Variants in IRAG1 observed in about 807,000 individuals in gnomAD.
IRAG1 encodes the protein inositol 1,4,5-triphosphate receptor associated 1.
In IRAG1, 62 loss-of-function variants were observed where a neutral mutation model predicts 106.2. The observed-to-expected ratio is 0.58, with a 90% CI of 0.48 to 0.72. The LOEUF is 0.72. Among genes scored for constraint, IRAG1 ranks in the 30% least tolerant of loss-of-function variants. The probability of loss-of-function intolerance (pLI) is 0.00; values close to 1 mark genes in which losing one functional copy is unlikely to be tolerated. For missense variants in IRAG1, 1,064 were observed against 1,140.7 expected, an observed-to-expected ratio of 0.93 and a Z score of 0.97; for synonymous variants, 462 against 443.9, an observed-to-expected ratio of 1.04 and a Z score of -0.51.
At chr11:10,653,753 C>T (rs1172201595) in intron 1 of IRAG1, among the ~76,000 whole-genome samples, 1 of 152,166 alleles carries the variant, frequency 6.6e-6, no homozygotes, top group East Asian at 1.9e-4. Context: ...ACAGAGGCCA[C>T]CTGCACGGGG....
intron 2 of IRAG1, 36 bp downstream of exon 2, chr11:10,651,989 A>AC: frequency 6.6e-7 from 1 of 1,526,052 alleles, no homozygotes; most frequent in Non-Finnish European, 8.8e-7. Flanking sequence ...CTTGGCCCCC[A>AC]GCCAGGCTAG....
intron 1 of IRAG1, among the ~76,000 whole-genome samples, chr11:10,655,325 G>A (rs1281626315): frequency 6.6e-6 from 1 of 152,190 alleles, no homozygotes; most frequent in Non-Finnish European, 1.5e-5. Context: ...GAAGCAAGGA[G>A]AACAAAAATT....
chr11:10,618,520 G>C (rs953460559), intron 10 of IRAG1, among the ~76,000 whole-genome samples: 1 of 152,182 alleles, frequency 6.6e-6, no homozygotes, highest in African/African-American at 2.4e-5. Context: ...TTATTCAGGG[G>C]AACAGAGATT....
At chr11:10,667,142 T>G (rs200901762) in intron 1 of IRAG1, among the ~76,000 whole-genome samples, 1 of 140,246 alleles carries the variant, frequency 7.1e-6, no homozygotes, top group Non-Finnish European at 1.5e-5. Context: ...TTTTTTTTCG[T>G]TTTTTTGTTT....
intron 2 of IRAG1, among the ~76,000 whole-genome samples, chr11:10,646,503 C>T (rs1857956562): frequency 6.6e-6 from 1 of 152,168 alleles, no homozygotes; most frequent in Non-Finnish European, 1.5e-5. Flanking sequence ...TGAGCCAAAA[C>T]AGGAGGAAGG....
chr11:10,626,615 G>C (rs760153725), intron 8 of IRAG1, 32 bp from the exon 9 acceptor site: 3 of 1,557,096 alleles, frequency 1.9e-6, no homozygotes, highest in Non-Finnish European at 2.6e-6. Context: ...TGGAACCCTC[G>C]GGGGCAGGTT....
chr11:10,630,882 G>A (rs1472280554), intron 4 of IRAG1, among the ~76,000 whole-genome samples: 1 of 152,208 alleles, frequency 6.6e-6, no homozygotes, highest in East Asian at 1.9e-4. Flanking sequence ...GCCAAGAGTG[G>A]GAATGTGGAC....
intron 18 of IRAG1, among the ~76,000 whole-genome samples, chr11:10,590,110 G>T (rs1852476127): frequency 6.6e-6 from 1 of 152,184 alleles, no homozygotes; most frequent in Non-Finnish European, 1.5e-5. Flanking sequence ...GAGAATTTTA[G>T]TGGGTTTCTC....
At chr11:10,668,742 T>C (rs1160483041) in intron 1 of IRAG1, among the ~76,000 whole-genome samples, 1 of 152,258 alleles carries the variant, frequency 6.6e-6, no homozygotes, top group Non-Finnish European at 1.5e-5. Context: ...TTCATCCTTT[T>C]AAACTAAGTC....
At chr11:10,683,459 T>G (rs1471032688) in intron 1 of IRAG1, among the ~76,000 whole-genome samples, 1 of 151,006 alleles carries the variant, frequency 6.6e-6, no homozygotes, top group Non-Finnish European at 1.5e-5. Context: ...AAACTGAAAA[T>G]TTAATATAAT....
intron 1 of IRAG1, among the ~76,000 whole-genome samples, chr11:10,675,754 C>A (rs1478507544): frequency 6.6e-6 from 1 of 152,176 alleles, no homozygotes; most frequent in African/African-American, 2.4e-5. Context: ...CTGACAAATG[C>A]CCCTTCATCC....
In IRAG1 at chr11:10,634,090, A is replaced by G. The variant is rs1554926910; in HGVS notation, c.226-19T>C. On this transcript the variant is annotated intron_variant, in intron 2 of 20. Transcript: ENST00000423302. ...GAGGACCCTGCCGGTTTAGAACAAAAACACAGAGTTAGGCTTGGGCTGGTG... is the reference window on the plus strand; with the variant it reads ...GAGGACCCTGCCGGTTTAGAACAAAGACACAGAGTTAGGCTTGGGCTGGTG... The G allele has an allele frequency of 1.3e-6, 2 of 1,536,674 alleles. No homozygotes were observed. Among genetic ancestry groups the G allele is most frequent in the Non-Finnish European group, 1.8e-6 (2 of 1,118,950 alleles).
intron 17 of IRAG1, chr11:10,593,211 A>C (rs1406184066): frequency 4.2e-6 from 1 of 238,680 alleles, no homozygotes; most frequent in Non-Finnish European, 8.3e-6. Flanking sequence ...AATTGTAACC[A>C]CCTTGGCAGA....
intron 4 of IRAG1, 105 bp downstream of exon 4, chr11:10,631,886 G>T (rs934223458): frequency 1.1e-6 from 1 of 883,068 alleles, no homozygotes; most frequent in African/African-American, 1.6e-5. Context: ...TGGACTTATC[G>T]GGAGGGAGCG....
At chr11:10,592,060 C>T (rs1196348138) in intron 17 of IRAG1, among the ~76,000 whole-genome samples, 2 of 152,210 alleles carry the variant, frequency 1.3e-5, no homozygotes, top group Non-Finnish European at 2.9e-5. Context: ...CAAATCACTA[C>T]TGAAAGCTCA....
intron 3 of IRAG1, among the ~76,000 whole-genome samples, chr11:10,633,690 T>C (rs902407001): frequency 6.6e-6 from 1 of 152,200 alleles, no homozygotes; most frequent in Non-Finnish European, 1.5e-5. Context: ...CATTAAATGT[T>C]TTAACCTCCA....
intron 16 of IRAG1, 40 bp from the exon 17 acceptor site, chr11:10,593,639 T>C (rs1852932029): frequency 1.4e-6 from 2 of 1,449,690 alleles, no homozygotes; most frequent in South Asian, 2.3e-5. Flanking sequence ...GTCTTGGAGG[T>C]AGCAATAGCC....
At chr11:10,689,283 C>T (rs1861885525) in intron 1 of IRAG1, among the ~76,000 whole-genome samples, 1 of 152,102 alleles carries the variant, frequency 6.6e-6, no homozygotes, top group African/African-American at 2.4e-5. Flanking sequence ...TTGTCCAGGA[C>T]CTGTCCCAAT....
At position 10,584,934 on chromosome 11, in the gene IRAG1, T is replaced by C. The variant is rs570451094; in HGVS notation, c.2241-2948A>G. On this transcript the variant is annotated intron_variant, in intron 18 of 20. Transcript: ENST00000423302. ...GTATTGGTACATTTTGGGAGCAATC[T>C]GAGCTACCTCCAAATATGACTCATA... Among the ~76,000 whole-genome samples, 6 of 152,284 alleles carry C rather than the reference T, an allele frequency of 3.9e-5. No individual in the cohort carries two copies. In the South Asian group the frequency reaches 1.0e-3, roughly 26 times the overall value.
Sources: allele counts gnomAD v4.1 joint callset (sites outside exome capture counted in the v4.1 genomes callset), GRCh38; gene constraint gnomAD v4.1.1; transcripts MANE v1.5; gene names NCBI Gene and HGNC (gene_info 2026-07-23, HGNC 2026-07-21).